Variants in PCDHA5 observed in about 807,000 individuals in gnomAD.
PCDHA5 encodes the protein protocadherin alpha-5.
Under a neutral mutation model 61.6 loss-of-function variants are expected in PCDHA5, and 43 were observed. The observed-to-expected ratio is 0.70, with a 90% CI of 0.55 to 0.90. The LOEUF is 0.90. PCDHA5 is among the 40% of genes least tolerant of loss of function. The pLI is 0.00. For synonymous variants in PCDHA5, 627 were observed against 543.9 expected, an observed-to-expected ratio of 1.15 and a Z score of -2.13; for missense variants, 1,298 against 1,222.7, an observed-to-expected ratio of 1.06 and a Z score of -0.92.
intron 3 of PCDHA5, among the ~76,000 whole-genome samples, chr5:140,992,482 G>A (rs1187706188): frequency 6.6e-6 from 1 of 152,164 alleles, no homozygotes; most frequent in Non-Finnish European, 1.5e-5. Flanking sequence ...TCACCCAGAG[G>A]CCAATCTGTA....
chr5:140,857,004 T>C (rs1554149409), intron 1 of PCDHA5: 1 of 1,595,634 alleles, frequency 6.3e-7, no homozygotes, highest in Non-Finnish European at 8.6e-7. Context: ...GAAATTCATG[T>C]AGATGTTACA....
At position 140,884,053 on chromosome 5, in the gene PCDHA5, C is replaced by A. The variant is rs782043806; in HGVS notation, c.2352+59926C>A. The stretch of plus-strand genomic sequence containing the variant: ...CAGGCCACGTGGTGGCGAAGGTGCG[C>A]GCGGTGGACGCCGATTCGGGCTACA... On this transcript the variant is annotated intron_variant, in intron 1 of 3. Transcript: ENST00000529859. 10 of 1,613,378 alleles carry A rather than the reference C, an allele frequency of 6.2e-6. No homozygotes were observed. The Admixed American group carries it at 1.2e-4, about 19-fold the overall frequency.
intron 1 of PCDHA5, chr5:140,852,877 T>G: frequency 1.1e-6 from 1 of 942,140 alleles, no homozygotes; most frequent in Non-Finnish European, 1.3e-6. Flanking sequence ...TCAATAATCA[T>G]AAAACGTATT....
intron 3 of PCDHA5, among the ~76,000 whole-genome samples, chr5:141,003,410 C>T (rs1282162216): frequency 1.3e-5 from 2 of 152,110 alleles, no homozygotes; most frequent in Non-Finnish European, 2.9e-5. Flanking sequence ...CTCCCGGGTT[C>T]GAGTGATTCT....
chr5:140,867,455 GTGTTATGACAACAT>G (rs1181061872), intron 1 of PCDHA5: 1 of 152,006 alleles, frequency 6.6e-6, no homozygotes, highest in East Asian at 1.9e-4. Flanking sequence ...TAGAGTTCTA[GTGTTATGACAACAT>G]TGGGAAAAGA....
At chr5:140,847,990 T>C (rs1781276116) in intron 1 of PCDHA5, 1 of 156,442 alleles carries the variant, frequency 6.4e-6, no homozygotes, top group South Asian at 1.8e-4. Flanking sequence ...AGATTCTGAA[T>C]TCCAGAACAA....
At chr5:140,996,596 C>T (rs1343501273) in intron 3 of PCDHA5, among the ~76,000 whole-genome samples, 1 of 152,156 alleles carries the variant, frequency 6.6e-6, no homozygotes, top group Non-Finnish European at 1.5e-5. Flanking sequence ...CCGCCTCCCC[C>T]CATTTTCATT....
At chr5:140,871,117 G>T in intron 1 of PCDHA5, 2 of 1,613,286 alleles carry the variant, frequency 1.2e-6, no homozygotes, top group Non-Finnish European at 1.7e-6. Flanking sequence ...GGTGGAGAGC[G>T]GACAGGCGCC....
At chr5:140,906,589 C>T (rs2072764004) in intron 1 of PCDHA5, among the ~76,000 whole-genome samples, 1 of 152,220 alleles carries the variant, frequency 6.6e-6, no homozygotes, top group South Asian at 2.1e-4. Context: ...TGACTACCTT[C>T]CTCTACTACT....
chr5:140,843,871 A>G, intron 1 of PCDHA5: 1 of 816,250 alleles, frequency 1.2e-6, no homozygotes, highest in East Asian at 2.7e-5. Context: ...GAATTTTCTC[A>G]GTGGCATAAT....
intron 1 of PCDHA5, among the ~76,000 whole-genome samples, chr5:140,939,338 G>A (rs2092369072): frequency 6.6e-6 from 1 of 152,116 alleles, no homozygotes; most frequent in South Asian, 2.1e-4. Context: ...TTAGGGGTTA[G>A]CATTTCAACT....
rs2150129029 is a variant in PCDHA5, at chr5:140,823,775, C to T, written c.2000C>T (p.Ser667Leu). The change falls in exon 1 of 4, where the codon TCG (serine) becomes TTG (leucine). Residue 667 changes from serine to leucine, a missense_variant. Physicochemically the swap from Ser to Leu is moderately radical, Grantham distance 145 (BLOSUM62 -2). Coordinates refer to ENST00000529859, the MANE Select transcript of PCDHA5 (RefSeq NM_018908.3). Reference sequence around the variant, plus strand: ...ACAGCCACAGCCACAGTGCTGGTGTCGCTGGTGGAAAGTGGCCAGGCGCCG... The same window carrying T: ...ACAGCCACAGCCACAGTGCTGGTGTTGCTGGTGGAAAGTGGCCAGGCGCCG... ...PLTATATVLV[S>L]LVESGQAPKA... is the part of the protein sequence containing the mutation. 5 of 1,613,850 alleles carry T rather than the reference C, an allele frequency of 3.1e-6. No homozygotes were observed. The South Asian group carries it at 5.5e-5, about 18-fold the overall frequency.
At chr5:140,966,764 G>T in intron 1 of PCDHA5, 1 of 1,475,264 alleles carries the variant, frequency 6.8e-7, no homozygotes, top group Non-Finnish European at 9.0e-7. Context: ...GCGGCCAGTG[G>T]CTATGGAGCA....
At chr5:140,917,374 C>T (rs1378508006) in intron 1 of PCDHA5, among the ~76,000 whole-genome samples, 1 of 151,778 alleles carries the variant, frequency 6.6e-6, no homozygotes, top group East Asian at 1.9e-4. Flanking sequence ...CTTGCTCCAC[C>T]TCAATAGTCT....
intron 1 of PCDHA5, chr5:140,968,523 A>G (rs1441549667): frequency 8.1e-6 from 13 of 1,613,762 alleles, no homozygotes; most frequent in African/African-American, 1.3e-5. Flanking sequence ...ACCTCAACCA[A>G]CTCGTCAGCA....
chr5:140,967,477 C>T (rs782240426), intron 1 of PCDHA5: 1 of 1,613,396 alleles, frequency 6.2e-7, no homozygotes, highest in Non-Finnish European at 8.5e-7. Flanking sequence ...TCCCAGCCCG[C>T]TCGGGTACGG....
chr5:140,850,518 G>A, intron 1 of PCDHA5: 1 of 1,598,310 alleles, frequency 6.3e-7, no homozygotes, highest in South Asian at 1.1e-5. Flanking sequence ...GAGCGGCCAG[G>A]CGCCAAAGTC....
chr5:140,852,586 T>A (rs2042389124), intron 1 of PCDHA5: 4 of 878,450 alleles, frequency 4.6e-6, no homozygotes, highest in East Asian at 1.2e-4. Context: ...TTTTTTATTT[T>A]TTTTTTTTGT....
At chr5:140,968,190 C>A (rs782155295) in intron 1 of PCDHA5, 2 of 1,613,954 alleles carry the variant, frequency 1.2e-6, no homozygotes, top group African/African-American at 2.7e-5. Flanking sequence ...GACTCCTATT[C>A]CATCTACATA....
Sources: allele counts gnomAD v4.1 joint callset (sites outside exome capture counted in the v4.1 genomes callset), GRCh38; gene constraint gnomAD v4.1.1; transcripts MANE v1.5; gene names NCBI Gene and HGNC (gene_info 2026-07-23, HGNC 2026-07-21).